The following KCNJ15 variants were observed in gnomAD, a reference collection of about 807,000 sequenced individuals.
KCNJ15 encodes the protein ATP-sensitive inward rectifier potassium channel 15.
In KCNJ15, 14 loss-of-function variants were observed where a neutral mutation model predicts 23.0. The ratio of observed to expected loss-of-function variants is 0.61; its 90% CI spans 0.40 to 0.95. KCNJ15 has a LOEUF of 0.95. KCNJ15 is among the 40% of genes least tolerant of loss of function. The pLI is 0.00. For synonymous variants in KCNJ15, 185 were observed against 183.2 expected, an observed-to-expected ratio of 1.01 and a Z score of -0.08; for missense variants, 388 against 461.8, an observed-to-expected ratio of 0.84 and a Z score of 1.46.
Position 38,274,774 on chromosome 21 carries a change from C to A in KCNJ15, c.-117+17589C>A, listed in dbSNP as rs117972854. On this transcript the variant is annotated intron_variant, in intron 1 of 2. Coordinates refer to ENST00000398938, the MANE Select transcript of KCNJ15 (RefSeq NM_170736.3). Reference sequence around the variant, plus strand: ...TGCTTTTATTAATTTACATAGGTGTCCAGCCATCTGGCTGGCCTTTCTCCA... The same window carrying A: ...TGCTTTTATTAATTTACATAGGTGTACAGCCATCTGGCTGGCCTTTCTCCA... 6.2e-4 allele frequency among the ~76,000 whole-genome samples: 94 copies of A among 152,286 alleles called. No individual in the cohort carries two copies. The East Asian group carries it at 0.016, about 25-fold the overall frequency.
intron 1 of KCNJ15, among the ~76,000 whole-genome samples, chr21:38,240,566 A>G (rs565640208): frequency 2.0e-5 from 3 of 152,332 alleles, no homozygotes; most frequent in African/African-American, 7.2e-5. Flanking sequence ...TTGAATATCC[A>G]TTATGTTACA....
chr21:38,259,016 TGTGTGTGCGCGTGTGTGTG>T, intron 1 of KCNJ15, among the ~76,000 whole-genome samples: 1 of 152,148 alleles, frequency 6.6e-6, no homozygotes, highest in Admixed American at 6.5e-5. Context: ...TGTGTGTGTG[TGTGTGTGCGCGTGTGTGTG>T]GTGTGTGCAA....
At chr21:38,266,515 A>G (rs949382817) in intron 1 of KCNJ15, among the ~76,000 whole-genome samples, 19 of 152,152 alleles carry the variant, frequency 1.2e-4, no homozygotes, top group Non-Finnish European at 2.4e-4. Flanking sequence ...TATGTGCCAC[A>G]TTTTGTTTAT....
At chr21:38,282,498 C>A (rs1203312273) in intron 1 of KCNJ15, among the ~76,000 whole-genome samples, 1 of 152,124 alleles carries the variant, frequency 6.6e-6, no homozygotes, top group Admixed American at 6.5e-5. Context: ...ATTCTTTGTG[C>A]TACGAATCAG....
At chr21:38,268,550 G>GAAAAAAAAAAAAAAAAAAAAAAA (rs576709021) in intron 1 of KCNJ15, among the ~76,000 whole-genome samples, 2 of 47,230 alleles carry the variant, frequency 4.2e-5, no homozygotes, top group Non-Finnish European at 5.1e-5. Context: ...CTTAAAATCT[G>GAAAAAAAAAAAAAAAAAAAAAAA]AAAAAAAAAA....
At chr21:38,240,719 C>G (rs1344034752) in intron 1 of KCNJ15, among the ~76,000 whole-genome samples, 1 of 152,122 alleles carries the variant, frequency 6.6e-6, no homozygotes, top group Non-Finnish European at 1.5e-5. Flanking sequence ...TAACACTTGA[C>G]CAAACATTAT....
At chr21:38,246,508 A>G (rs952444687) in intron 1 of KCNJ15, among the ~76,000 whole-genome samples, 4 of 152,282 alleles carry the variant, frequency 2.6e-5, no homozygotes, top group South Asian at 2.1e-4. Context: ...ATTCCCTACT[A>G]TCTGCTTGGG....
At chr21:38,294,991 C>T (rs1223592775) in intron 1 of KCNJ15, among the ~76,000 whole-genome samples, 1 of 152,148 alleles carries the variant, frequency 6.6e-6, no homozygotes, top group East Asian at 1.9e-4. Flanking sequence ...CAGAAATAAA[C>T]ATTATTTCCA....
At chr21:38,259,937 A>G (rs1229595634) in intron 1 of KCNJ15, among the ~76,000 whole-genome samples, 1 of 152,228 alleles carries the variant, frequency 6.6e-6, no homozygotes, top group Non-Finnish European at 1.5e-5. Flanking sequence ...AAGCAATCTA[A>G]GAAGTGCTAA....
intron 1 of KCNJ15, among the ~76,000 whole-genome samples, chr21:38,288,036 T>TTTTTTTTC (rs1984144596): frequency 1.3e-5 from 1 of 75,474 alleles, no homozygotes; most frequent in Non-Finnish European, 2.8e-5. Flanking sequence ...CTTTGTTTTT[T>TTTTTTTTC]TTTTTTTTTT....
chr21:38,281,859 G>A (rs1400752391), intron 1 of KCNJ15, among the ~76,000 whole-genome samples: 6 of 152,132 alleles, frequency 3.9e-5, no homozygotes, highest in Admixed American at 3.9e-4. Context: ...GCTTTCCACA[G>A]TGGCTGGACT....
intron 1 of KCNJ15, among the ~76,000 whole-genome samples, chr21:38,270,215 G>T (rs1431978545): frequency 6.6e-6 from 1 of 151,976 alleles, no homozygotes; most frequent in Non-Finnish European, 1.5e-5. Flanking sequence ...GTGTCTCTTT[G>T]CTACTAAGGA....
chr21:38,273,913 C>G (rs560249745), intron 1 of KCNJ15, among the ~76,000 whole-genome samples: 117 of 152,362 alleles, frequency 7.7e-4, no homozygotes, highest in Middle Eastern at 3.4e-3. Context: ...TATAGCTCTT[C>G]TAAAACTAGA....
At chr21:38,294,901 A>G (rs1391643734) in intron 1 of KCNJ15, among the ~76,000 whole-genome samples, 1 of 152,226 alleles carries the variant, frequency 6.6e-6, no homozygotes, top group African/African-American at 2.4e-5. Context: ...CAATAGTTGT[A>G]AGAACTTCAC....
At chr21:38,277,124 A>AT (rs1476078749) in intron 1 of KCNJ15, among the ~76,000 whole-genome samples, 1 of 152,002 alleles carries the variant, frequency 6.6e-6, no homozygotes, top group African/African-American at 2.4e-5. Context: ...ACTAGGTCCT[A>AT]TTTTTCATGA....
intron 1 of KCNJ15, chr21:38,238,315 T>C: frequency 2.8e-6 from 2 of 715,304 alleles, no homozygotes; most frequent in Non-Finnish European, 5.3e-6. Flanking sequence ...AGTGGCCTGG[T>C]CTTCCTGCCT....
chr21:38,288,308 T>C (rs1283511377), intron 1 of KCNJ15, among the ~76,000 whole-genome samples: 4 of 152,116 alleles, frequency 2.6e-5, no homozygotes, highest in African/African-American at 9.7e-5. Flanking sequence ...CCCAAAGTGC[T>C]GGGATTACAG....
chr21:38,286,328 A>G (rs1169703611), intron 1 of KCNJ15, among the ~76,000 whole-genome samples: 1 of 152,180 alleles, frequency 6.6e-6, no homozygotes, highest in Non-Finnish European at 1.5e-5. Flanking sequence ...GGCTATGAAG[A>G]CCAAGCATTA....
At chr21:38,292,391 A>G (rs1266993270) in intron 1 of KCNJ15, among the ~76,000 whole-genome samples, 1 of 152,150 alleles carries the variant, frequency 6.6e-6, no homozygotes, top group East Asian at 1.9e-4. Context: ...TGTCTATGTG[A>G]TTACAGATCC....
Sources: allele counts gnomAD v4.1 joint callset (sites outside exome capture counted in the v4.1 genomes callset), GRCh38; gene constraint gnomAD v4.1.1; transcripts MANE v1.5; gene names NCBI Gene and HGNC (gene_info 2026-07-23, HGNC 2026-07-21).